Variants in YTHDC1 observed in about 807,000 individuals in gnomAD.
YTHDC1 encodes YTH N6-methyladenosine RNA binding protein C1.
YTHDC1 carries 12 observed loss-of-function variants against 107.0 expected under a neutral mutation model. The ratio of observed to expected loss-of-function variants is 0.11; its 90% CI spans 0.07 to 0.18. YTHDC1 has a LOEUF of 0.18. Among genes scored for constraint, YTHDC1 ranks in the 10% least tolerant of loss-of-function variants. The pLI is 1.00. For missense variants in YTHDC1, 635 were observed against 898.8 expected, an observed-to-expected ratio of 0.71 and a Z score of 3.75; for synonymous variants, 280 against 289.5, an observed-to-expected ratio of 0.97 and a Z score of 0.33.
At chr4:68,336,414 T>C (rs982018863) in intron 4 of YTHDC1, among the ~76,000 whole-genome samples, 2 of 152,090 alleles carry the variant, frequency 1.3e-5, no homozygotes, top group African/African-American at 4.8e-5. Flanking sequence ...AGGATATATA[T>C]AGCATTGAAG....
Position 68,322,542 on chromosome 4 carries a change from G to A in YTHDC1, c.1601+207C>T. 5.3e-6 allele frequency: 3 copies of A among 564,194 alleles called. No homozygotes were observed. Among genetic ancestry groups the A allele is most frequent in the Non-Finnish European group, 9.1e-6 (3 of 327,920 alleles). The allele number at this position is 564,194 out of a possible 1,614,324, so 34.9% of individuals were successfully genotyped here. On this transcript the variant is annotated intron_variant, in intron 11 of 16. Transcript: ENST00000344157. This position sits in a 1 kb window ranked among gnomAD's most constrained non-coding sequence, Gnocchi z 4.8. ...CTGGTTATACTTTTTTCTGCATAAG[G>A]AAAGATCCCCATTTTCCTCTTGAAA...
chr4:68,343,053 T>C (rs1354968350), intron 1 of YTHDC1, among the ~76,000 whole-genome samples: 1 of 152,136 alleles, frequency 6.6e-6, no homozygotes, highest in Non-Finnish European at 1.5e-5. Context: ...TAAACAAAGA[T>C]TAGAAATGCC....
intron 10 of YTHDC1, among the ~76,000 whole-genome samples, chr4:68,323,788 G>A (rs561997894): frequency 4.6e-5 from 7 of 152,216 alleles, no homozygotes; most frequent in Non-Finnish European, 1.0e-4. Context: ...TTTCTACTCA[G>A]AAAACTAGCA....
chr4:68,349,856 G>A lies in YTHDC1; in HGVS notation c.-103C>T, dbSNP rs1725912785. The A allele has an allele frequency of 1.3e-6, 2 of 1,539,638 alleles. No homozygotes were observed. Among genetic ancestry groups the A allele is most frequent in the East Asian group, 4.5e-5 (2 of 44,024 alleles). On this transcript the variant is annotated 5_prime_UTR_variant, in exon 1 of 17. It adds an upstream start codon to the 5' untranslated region. Transcript: ENST00000344157. ...GAAGCACGGGCCCGTCCGTCAGTCCGTCTGCCCGGATACGCGCGTCGCACT... is the reference window on the plus strand; with the variant it reads ...GAAGCACGGGCCCGTCCGTCAGTCCATCTGCCCGGATACGCGCGTCGCACT...
chr4:68,345,388 A>T (rs1413922794), intron 1 of YTHDC1, among the ~76,000 whole-genome samples: 2 of 152,216 alleles, frequency 1.3e-5, no homozygotes, highest in African/African-American at 4.8e-5. Context: ...GTTTTCTAAC[A>T]CAAGGTACCA....
At chr4:68,324,095 T>G (rs371043675) in intron 10 of YTHDC1, 44 bp downstream of exon 10, 1 of 1,528,090 alleles carries the variant, frequency 6.5e-7, no homozygotes, top group Admixed American at 1.8e-5. Flanking sequence ...TCTAAAAGGG[T>G]TGATTAAATG....
At chr4:68,331,102 T>C (rs1247083258) in intron 7 of YTHDC1, among the ~76,000 whole-genome samples, 1 of 152,164 alleles carries the variant, frequency 6.6e-6, no homozygotes, top group Non-Finnish European at 1.5e-5. Context: ...AACCCATGCA[T>C]ATACTCCCAT....
chr4:68,318,894 A>G, intron 12 of YTHDC1, 32 bp from the exon 13 acceptor site: 3 of 1,610,884 alleles, frequency 1.9e-6, no homozygotes, highest in Non-Finnish European at 2.5e-6. Flanking sequence ...TAGTAAATCA[A>G]ATTTATATTT....
rs371297294 is a variant in YTHDC1, at chr4:68,337,548, T to C, written c.459+24A>G. On this transcript the variant is annotated intron_variant, in intron 3 of 16. Transcript: ENST00000344157. ...CCTCAAAAAGAATGGCTTTCTGTTT[T>C]ATATCTGCAATAATATTTACTACCT... 6 of 1,586,326 alleles carry C rather than the reference T, an allele frequency of 3.8e-6. No homozygotes were observed. The African/African-American group carries it at 8.2e-5, about 22-fold the overall frequency.
At position 68,322,461 on chromosome 4, in the gene YTHDC1, A is replaced by G. The variant is rs1722538889; in HGVS notation, c.1601+288T>C. ...GTTCTTAGCAACAAATGCCTACCTC[A>G]TTTCAATTGTATACATTGTATTATC... is the stretch of plus-strand genomic sequence containing the variant. On this transcript the variant is annotated intron_variant, in intron 11 of 16. Transcript: ENST00000344157. The surrounding 1 kb of genome is among the most constrained non-coding windows in gnomAD (Gnocchi z 4.8). The G allele has an allele frequency of 3.1e-6, 1 of 326,254 alleles. No individual in the cohort carries two copies. Among genetic ancestry groups the G allele is most frequent in the Non-Finnish European group, 5.5e-6 (1 of 181,096 alleles). The allele number at this position is 326,254 out of a possible 1,614,324, so 20.2% of individuals were successfully genotyped here. A position where few individuals can be genotyped will look rare whatever the true frequency, so the allele number is the denominator to read the frequency against.
intron 1 of YTHDC1, among the ~76,000 whole-genome samples, chr4:68,340,403 T>C (rs1041423441): frequency 9.9e-5 from 15 of 152,130 alleles, no homozygotes; most frequent in Admixed American, 4.6e-4. Context: ...ACAGGCTATA[T>C]GGGTTTTTAT....
Position 68,322,579 on chromosome 4 carries a change from C to T in YTHDC1, c.1601+170G>A. The stretch of plus-strand genomic sequence containing the variant: ...TTTTCCTCTTGAAAAATGACTGAGA[C>T]CAAGGTGACCATGTGAAATCCTCAA... On this transcript the variant is annotated intron_variant, in intron 11 of 16. Transcript: ENST00000344157. This position sits in a 1 kb window ranked among gnomAD's most constrained non-coding sequence, Gnocchi z 4.8. 1.3e-6 allele frequency: 1 copy of T among 752,404 alleles called. No individual in the cohort carries two copies. Among genetic ancestry groups the T allele is most frequent in the South Asian group, 2.5e-5 (1 of 40,184 alleles). 46.6% of individuals were successfully genotyped at this position (752,404 alleles called of 1,614,324 possible). A position where few individuals can be genotyped will look rare whatever the true frequency, so the allele number is the denominator to read the frequency against.
In YTHDC1 at chr4:68,322,893, G is replaced by A. The variant is rs749102306; in HGVS notation, c.1457C>T (p.Thr486Ile). The part of the protein sequence containing the change: ...DGQEIELECG[T>I]QLCLLFPPDE... ...GGGGGGAAACAGAAGACAAAGCTGG[G>A]TTCCACATTCAAGTTCAATTTCCTA... The change falls in exon 11 of 17, where the codon ACC (threonine) becomes ATC (isoleucine). Residue 486 changes from threonine to isoleucine, a missense_variant. By Grantham distance (89) the Thr-to-Ile change is moderately conservative. Coordinates refer to ENST00000344157, the MANE Select transcript of YTHDC1 (RefSeq NM_001031732.4). This position sits in a 1 kb window ranked among gnomAD's most constrained non-coding sequence, Gnocchi z 4.8. 2.5e-6 allele frequency: 4 copies of A among 1,613,510 alleles called. No homozygotes were observed. Among genetic ancestry groups the A allele is most frequent in the African/African-American group, 2.7e-5 (2 of 74,864 alleles).
intron 1 of YTHDC1, 54 bp downstream of exon 1, chr4:68,349,672 C>T: frequency 8.2e-7 from 1 of 1,218,372 alleles, no homozygotes; most frequent in Non-Finnish European, 1.1e-6. Context: ...TGCTCCATCA[C>T]CCCACTCCCG....
chr4:68,332,422 T>C (rs188698352), intron 6 of YTHDC1, among the ~76,000 whole-genome samples: 3 of 152,232 alleles, frequency 2.0e-5, no homozygotes, highest in Admixed American at 6.5e-5. Context: ...TGTTCCGATA[T>C]ATCAAATCCA....
rs985087780 is a variant in YTHDC1, at chr4:68,345,644, CCTTA to C, written c.28+4078_28+4081del. ...CAAAGATATCATTTTAAATTTTCTA[CCTTA>C]CTTATACTATAGGTAAAATAAATAT... On this transcript the variant is annotated intron_variant, in intron 1 of 16. Coordinates refer to ENST00000344157, the MANE Select transcript of YTHDC1 (RefSeq NM_001031732.4). Among the ~76,000 whole-genome samples, 11 of 152,160 alleles carry C rather than the reference CCTTA, an allele frequency of 7.2e-5. No homozygotes were observed. The East Asian group carries it at 7.7e-4, about 11-fold the overall frequency.
chr4:68,337,791 A>G lies in YTHDC1; in HGVS notation c.240T>C (p.Asn80=). The change falls in exon 3 of 17, where the codon AAT becomes AAC. Residue 80 remains asparagine (N), a synonymous_variant. Transcript: ENST00000344157. ...VSKPLSSSVS[N]NKRIVSTKGK... ...CTTTTGTACTAACTATTCTTTTGTT[A>G]TTGCTAACAGATGAGCTCAGTGGCT... 1 of 1,614,080 alleles carries G rather than the reference A, an allele frequency of 6.2e-7. No homozygotes were observed. The highest frequency in any genetic ancestry group is 2.2e-5 in the East Asian group (1 of 44,878).
In YTHDC1 at chr4:68,338,196, C is replaced by T. The variant is rs191822733; in HGVS notation, c.130+87G>A. The T allele has an allele frequency of 5.4e-4, 744 of 1,377,778 alleles. 4 individuals carry two copies. In the African/African-American group the frequency reaches 9.7e-3, roughly 18 times the overall value. 85.3% of individuals were successfully genotyped at this position (1,377,778 alleles called of 1,614,324 possible). A position where few individuals can be genotyped will look rare whatever the true frequency, so the allele number is the denominator to read the frequency against. On this transcript the variant is annotated intron_variant, in intron 2 of 16. Coordinates refer to ENST00000344157, the MANE Select transcript of YTHDC1 (RefSeq NM_001031732.4). ...TGTTAACTGCCTCAAGGAACAAGCA[C>T]AAAAAAGCACAGTCATTTTTTTTAA... is the stretch of plus-strand genomic sequence containing the variant.
chr4:68,325,590 C>T (rs1399317907), intron 9 of YTHDC1, among the ~76,000 whole-genome samples: 1 of 152,000 alleles, frequency 6.6e-6, no homozygotes, highest in South Asian at 2.1e-4. Context: ...TCTATTTTGC[C>T]TTGGCTGATT....
Sources: allele counts gnomAD v4.1 joint callset (sites outside exome capture counted in the v4.1 genomes callset), GRCh38; gene constraint gnomAD v4.1.1; non-coding constraint Gnocchi (gnomAD v3.1); transcripts MANE v1.5; gene names NCBI Gene and HGNC (gene_info 2026-07-23, HGNC 2026-07-21).